Variants in MPHOSPH10 observed in about 807,000 individuals in gnomAD.
MPHOSPH10 encodes the protein M-phase phosphoprotein 10, also known as U3 small nucleolar ribonucleoprotein MPP10.
A neutral mutation model predicts 77.3 loss-of-function variants in MPHOSPH10; 33 were observed. The ratio of observed to expected loss-of-function variants is 0.43; its 90% confidence interval spans 0.32 to 0.57. The LOEUF (loss-of-function observed/expected upper bound fraction) is 0.57. Among genes scored for constraint, MPHOSPH10 ranks in the 20% least tolerant of loss-of-function variants. MPHOSPH10 has a pLI of 0.07. For missense variants in MPHOSPH10, 708 were observed against 780.1 expected (o/e 0.91, Z 1.10); for synonymous variants, 245 against 268.0 (o/e 0.91, Z 0.84).
intron 4 of MPHOSPH10, among the ~76,000 whole-genome samples, chr2:71,136,358 TA>T (rs1673489170): frequency 6.6e-6 from 1 of 151,782 alleles, no homozygotes. Flanking sequence ...CACTAAAGAT[TA>T]AAAAAGTTAG....
chr2:71,134,045 C>A lies in MPHOSPH10; in HGVS notation c.866C>A (p.Ser289Ter). ...ITNVHDDELD[S>*]NKEDDEIAEE... ...AATGTTCATGATGATGAGCTGGATTCAAACAAAGAAGATGATGAAATTGCT... is the reference window on the plus strand; with the variant it reads ...AATGTTCATGATGATGAGCTGGATTAAAACAAAGAAGATGATGAAATTGCT... The change falls in exon 3 of 11, where the codon TCA (serine) becomes TAA (stop). Residue 289 changes from serine to a stop codon, truncating the protein, a stop_gained. Transcript: ENST00000244230. LOFTEE classifies it high-confidence loss of function. 2 of 1,608,610 alleles carry A rather than the reference C, an allele frequency of 1.2e-6. No individual in the cohort carries two copies. Among genetic ancestry groups the A allele is most frequent in the South Asian group, 2.2e-5 (2 of 90,220 alleles).
At position 71,144,441 on chromosome 2, in the gene MPHOSPH10, A is replaced by C. The variant is rs746074531; in HGVS notation, c.1460A>C (p.Glu487Ala). Residue 487 changes from glutamate (E) to alanine (A), a missense_variant, in exon 8 of 11, where the codon GAA becomes GCA. Coordinates refer to ENST00000244230, the MANE Select transcript of MPHOSPH10 (RefSeq NM_005791.3). Reference protein sequence around the residue: ...YIKLNQQKTAEEENPEHVEIQ... With the variant: ...YIKLNQQKTAAEENPEHVEIQ... The stretch of plus-strand genomic sequence containing the variant: ...TTATTTCCTAAGCAAAAAACAGCAG[A>C]AGAAGAAAATCCAGAACATGTAGAA... The C allele has an allele frequency of 1.6e-5, 26 of 1,613,542 alleles. No homozygotes were observed. The highest frequency in any genetic ancestry group is 1.6e-4 in the Middle Eastern group (1 of 6,082).
At chr2:71,141,186 A>G (rs1673603351) in intron 6 of MPHOSPH10, 46 bp from the exon 7 acceptor site, 1 of 1,278,078 alleles carries the variant, frequency 7.8e-7, no homozygotes, top group Non-Finnish European at 1.0e-6. Flanking sequence ...GAACCTAGAA[A>G]TAAATTGTAG....
At chr2:71,134,496 TTTGGAAG>T (rs1328290503) in intron 3 of MPHOSPH10, 123 bp from the exon 4 acceptor site, 11 of 790,462 alleles carry the variant, frequency 1.4e-5, no homozygotes, top group Non-Finnish European at 2.0e-5. Context: ...ACTGAATGAT[TTTGGAAG>T]TTCTGAGTAT....
rs766330070 is a variant in MPHOSPH10, at chr2:71,134,075, A to G, written c.896A>G (p.Glu299Gly). Reference protein sequence around the residue: ...SNKEDDEIAEEEAEELSISET... With the variant: ...SNKEDDEIAEGEAEELSISET... ...AAAGAAGATGATGAAATTGCTGAAGAAGAAGCAGAAGAACTAAGTATTTCG... is the reference window on the plus strand; with the variant it reads ...AAAGAAGATGATGAAATTGCTGAAGGAGAAGCAGAAGAACTAAGTATTTCG... Residue 299 changes from glutamate (E) to glycine (G), a missense_variant, in exon 3 of 11, where the codon GAA becomes GGA. Transcript: ENST00000244230. The G allele has an allele frequency of 6.2e-7, 1 of 1,608,546 alleles. No individual in the cohort carries two copies. The highest frequency in any genetic ancestry group is 8.5e-7 in the Non-Finnish European group (1 of 1,177,846).
Position 71,137,190 on chromosome 2 carries a change from G to A in MPHOSPH10, c.1099-1300G>A, listed in dbSNP as rs140038326. Reference sequence around the variant, plus strand: ...TCTAATTTTTTTTTTCACTCCTAGCGGAATATAAATACATTTAAGCCAAAA... The same window carrying A: ...TCTAATTTTTTTTTTCACTCCTAGCAGAATATAAATACATTTAAGCCAAAA... On this transcript the variant is annotated intron_variant, in intron 4 of 10. Transcript: ENST00000244230. 2.2e-4 allele frequency among the ~76,000 whole-genome samples: 33 copies of A among 151,002 alleles called. 1 individual carries two copies. The East Asian group carries it at 3.3e-3, about 15-fold the overall frequency.
chr2:71,141,459 A>G (rs1285959024), intron 7 of MPHOSPH10, 90 bp downstream of exon 7: 27 of 1,134,992 alleles, frequency 2.4e-5, no homozygotes, highest in Non-Finnish European at 5.8e-6. Context: ...CGTGAAACAG[A>G]AATCTTGAGC....
At position 71,148,017 on chromosome 2, in the gene MPHOSPH10, G is replaced by A; in HGVS notation, c.1576G>A (p.Val526Ile). The change falls in exon 9 of 11, where the codon GTT becomes ATT. Residue 526 changes from valine (V) to isoleucine (I), a missense_variant. Val to Ile is a conservative substitution (Grantham distance 29). Transcript: ENST00000244230. Reference sequence around the variant, plus strand: ...TTTCTAGCCTGTACCAGAGATTAAAGTTGTGTCAAATCTGCCAGCCATAAC... The same window carrying A: ...TTTCTAGCCTGTACCAGAGATTAAAATTGTGTCAAATCTGCCAGCCATAAC... ...IPKPPVPEIK[V>I]VSNLPAITME... 6.2e-7 allele frequency: 1 copy of A among 1,614,036 alleles called. No individual in the cohort carries two copies. Among genetic ancestry groups the A allele is most frequent in the East Asian group, 2.2e-5 (1 of 44,884 alleles).
At chr2:71,144,577 G>GTGAC (rs1673673609) in intron 8 of MPHOSPH10, 39 bp downstream of exon 8, 1 of 1,448,124 alleles carries the variant, frequency 6.9e-7, no homozygotes, top group Non-Finnish European at 9.7e-7. Flanking sequence ...CTAGAGCAGG[G>GTGAC]TGACCTTCAT....
chr2:71,138,018 C>T (rs1301787379), intron 4 of MPHOSPH10, among the ~76,000 whole-genome samples: 1 of 150,600 alleles, frequency 6.6e-6, no homozygotes, highest in Non-Finnish European at 1.5e-5. Flanking sequence ...GCTCAGGAGA[C>T]GGAGGTTGCA....
In MPHOSPH10 at chr2:71,149,471, A is replaced by C. The variant is rs1214279120; in HGVS notation, c.1896+18A>C. 1.9e-6 allele frequency: 3 copies of C among 1,600,688 alleles called. No homozygotes were observed. The South Asian group carries it at 3.4e-5, about 18-fold the overall frequency. On this transcript the variant is annotated intron_variant, in intron 10 of 10. Coordinates refer to ENST00000244230, the MANE Select transcript of MPHOSPH10 (RefSeq NM_005791.3). ...TCATAAAGGTAAGGACAAGGGAAAG[A>C]AAACTGCTCAAGGGGACCTTTGTGG...
intron 2 of MPHOSPH10, 118 bp from the exon 3 acceptor site, chr2:71,133,830 T>G (rs1673434581): frequency 3.4e-6 from 3 of 886,642 alleles, no homozygotes; most frequent in Non-Finnish European, 4.9e-6. Flanking sequence ...GTTATTAGCT[T>G]GTAGTGTTAT....
chr2:71,139,193 T>A (rs1673561137), intron 5 of MPHOSPH10: 1 of 163,256 alleles, frequency 6.1e-6, no homozygotes, highest in Non-Finnish European at 1.3e-5. Context: ...GCCCTTTTTT[T>A]AAGTAAGTTG....
rs1433051581 is a variant in MPHOSPH10 at position 71,139,819 on chromosome 2, C to A, written c.1265C>A (p.Thr422Asn). ...RMAPVITEET[T>N]LQLEDIIKQR... is the part of the protein sequence containing the mutation. Reference sequence around the variant, plus strand: ...GCACCTGTGATTACAGAGGAAACCACCCTTCAACTGGAAGATATCATTAAA... The same window carrying A: ...GCACCTGTGATTACAGAGGAAACCAACCTTCAACTGGAAGATATCATTAAA... The change falls in exon 6 of 11, where the codon ACC becomes AAC. Residue 422 changes from threonine (T) to asparagine (N), a missense_variant. Physicochemically the swap from Thr to Asn is moderately conservative, Grantham distance 65 (BLOSUM62 0). This residue lies in a region of MPHOSPH10 where 263 missense variants were observed against 320.0 expected (regional missense o/e 0.82). Coordinates refer to ENST00000244230, the MANE Select transcript of MPHOSPH10 (RefSeq NM_005791.3). 1 of 1,609,732 alleles carries A rather than the reference C, an allele frequency of 6.2e-7. No individual in the cohort carries two copies. Among genetic ancestry groups the A allele is most frequent in the Non-Finnish European group, 8.5e-7 (1 of 1,178,012 alleles).
chr2:71,139,438 C>T (rs1293476156), intron 5 of MPHOSPH10: 1 of 161,400 alleles, frequency 6.2e-6, no homozygotes, highest in Non-Finnish European at 1.3e-5. Flanking sequence ...GTGGTCATCT[C>T]ATTGACTTCT....
rs377120636 is a variant in MPHOSPH10 at position 71,134,803 on chromosome 2, T to C, written c.1098+6T>C. 109 of 1,546,752 alleles carry C rather than the reference T, an allele frequency of 7.0e-5. 1 individual carries two copies. The highest frequency in any genetic ancestry group is 6.8e-4 in the Middle Eastern group (3 of 4,408). On this transcript the variant is annotated splice_donor_region_variant and intron_variant, in intron 4 of 10. Transcript: ENST00000244230. ...TTGAAAAAAGACAGGAAAAGGTAAT[T>C]AGTAATTTAAGGAATTTTTAATATA...
intron 2 of MPHOSPH10, 57 bp from the exon 3 acceptor site, chr2:71,133,891 T>G: frequency 8.5e-7 from 1 of 1,177,404 alleles, no homozygotes; most frequent in Non-Finnish European, 1.2e-6. Context: ...TCTATATGCA[T>G]GTGTTAATAT....
chr2:71,140,252 G>A (rs961569754), intron 6 of MPHOSPH10, among the ~76,000 whole-genome samples: 5 of 152,140 alleles, frequency 3.3e-5, no homozygotes, highest in Non-Finnish European at 2.9e-5. Flanking sequence ...AATATCTGAA[G>A]CTGGGTGACT....
In MPHOSPH10 at chr2:71,132,950, G is replaced by T; in HGVS notation, c.142G>T (p.Asp48Tyr). 1 of 1,613,380 alleles carries T rather than the reference G, an allele frequency of 6.2e-7. No homozygotes were observed. The highest frequency in any genetic ancestry group is 1.1e-5 in the South Asian group (1 of 90,932). The part of the protein sequence containing the change: ...KFTSLTKVLY[D>Y]FNKILENGRI... ...CACTTCTTTAACAAAAGTGCTTTAT[G>T]ACTTTAATAAAATATTAGAGAATGG... Residue 48 changes from aspartate (D) to tyrosine (Y), a missense_variant, in exon 2 of 11, where the codon GAC becomes TAC. Asp to Tyr is a radical substitution (Grantham distance 160, BLOSUM62 -3). Around this residue, in one of 3 missense-constraint regions of MPHOSPH10, gnomAD observed 433 missense variants for 432.6 expected, o/e 1.00. Transcript: ENST00000244230.
Sources: gnomAD v4.1 joint callset for allele counts (sites outside exome capture counted in the v4.1 genomes callset) on GRCh38, gnomAD v4.1.1 for gene constraint, gnomAD v4.1.1 regional missense constraint, MANE v1.5 for transcripts, NCBI Gene and HGNC (gene_info 2026-07-23, HGNC 2026-07-21) for gene names.